EBF1: variants seen among roughly 807,000 people sequenced by gnomAD.
EBF1 encodes transcription factor COE1.
EBF1 carries 10 observed loss-of-function variants against 68.4 expected under a neutral mutation model. The observed-to-expected ratio is 0.15, with a 90% confidence interval of 0.09 to 0.25. The LOEUF is 0.25. EBF1 is among the 10% of genes least tolerant of loss of function. The pLI, the probability that EBF1 is intolerant of heterozygous loss-of-function variation, is 1.00. For missense variants in EBF1, 509 were observed against 794.4 expected (o/e 0.64, Z 4.32); for synonymous variants, 298 against 299.8 (o/e 0.99, Z 0.06).
At chr5:158,884,746 T>C (rs1799679921) in intron 6 of EBF1, among the ~76,000 whole-genome samples, 1 of 152,206 alleles carries the variant, frequency 6.6e-6, no homozygotes, top group Non-Finnish European at 1.5e-5. Context: ...ATACTACTAA[T>C]ATTAAATTAA....
chr5:158,916,846 G>A (rs1395643543), intron 6 of EBF1, among the ~76,000 whole-genome samples: 2 of 152,126 alleles, frequency 1.3e-5, no homozygotes, highest in Non-Finnish European at 2.9e-5. Flanking sequence ...CCAGCTCAGC[G>A]GGTATACATT....
chr5:158,735,432 A>G (rs529280415), intron 10 of EBF1, among the ~76,000 whole-genome samples: 38 of 152,322 alleles, frequency 2.5e-4, no homozygotes, highest in African/African-American at 8.4e-4. Flanking sequence ...TACTGAACCC[A>G]CATAGTAGGA....
At chr5:159,086,641 A>G (rs907599868) in intron 4 of EBF1, among the ~76,000 whole-genome samples, 3 of 152,182 alleles carry the variant, frequency 2.0e-5, no homozygotes, top group African/African-American at 4.8e-5. Context: ...CAGTGTATCA[A>G]ATCATGTTGT....
chr5:158,993,959 C>A (rs929664727), intron 6 of EBF1, among the ~76,000 whole-genome samples: 1 of 152,154 alleles, frequency 6.6e-6, no homozygotes, highest in Non-Finnish European at 1.5e-5. Flanking sequence ...TTTGCAAATG[C>A]CTATGGTTGT....
At chr5:158,864,942 G>A (rs931274235) in intron 6 of EBF1, among the ~76,000 whole-genome samples, 2 of 152,244 alleles carry the variant, frequency 1.3e-5, no homozygotes, top group African/African-American at 4.8e-5. Context: ...CATATGAGCT[G>A]GACAGCTCTG....
intron 4 of EBF1, among the ~76,000 whole-genome samples, chr5:159,091,026 A>G (rs1000528757): frequency 2.4e-4 from 36 of 152,354 alleles, no homozygotes; most frequent in African/African-American, 8.7e-4. Flanking sequence ...ACAACTATGT[A>G]GACAATTCAC....
chr5:158,953,364 T>C (rs922866593), intron 6 of EBF1, among the ~76,000 whole-genome samples: 4 of 152,192 alleles, frequency 2.6e-5, no homozygotes, highest in Admixed American at 6.5e-5. Context: ...GCAAGCCTCA[T>C]AGATAGATAA....
chr5:158,851,517 GA>G (rs1472080252), intron 6 of EBF1, among the ~76,000 whole-genome samples: 2 of 63,872 alleles, frequency 3.1e-5, no homozygotes, highest in South Asian at 8.8e-4. Flanking sequence ...AAGGGAAGGG[GA>G]GGGGGGAGAA....
chr5:158,900,834 A>G (rs1250449471), intron 6 of EBF1, among the ~76,000 whole-genome samples: 1 of 152,248 alleles, frequency 6.6e-6, no homozygotes, highest in Non-Finnish European at 1.5e-5. Context: ...GGAAATAAGT[A>G]AGGTCCCGCA....
At chr5:159,064,620 A>G (rs1274936423) in intron 6 of EBF1, among the ~76,000 whole-genome samples, 1 of 152,338 alleles carries the variant, frequency 6.6e-6, no homozygotes, top group East Asian at 1.9e-4. Context: ...TAAGGTGCTC[A>G]TAGACCAGGA....
At chr5:158,869,578 AACACACACACACACACACAC>A (rs3035120) in intron 6 of EBF1, among the ~76,000 whole-genome samples, 7 of 145,172 alleles carry the variant, frequency 4.8e-5, no homozygotes, top group East Asian at 2.1e-4. Context: ...GATCCTAATA[AACACACACACACACACACAC>A]ACACACACAC....
chr5:158,785,957 A>G (rs1199367330), intron 9 of EBF1, among the ~76,000 whole-genome samples: 2 of 152,130 alleles, frequency 1.3e-5, no homozygotes, highest in Non-Finnish European at 2.9e-5. Flanking sequence ...TGTTTTTGCT[A>G]TGTTTCCAGT....
intron 8 of EBF1, among the ~76,000 whole-genome samples, chr5:158,816,591 A>G (rs1025615572): frequency 2.6e-5 from 4 of 151,916 alleles, no homozygotes; most frequent in African/African-American, 9.7e-5. Flanking sequence ...GGGAGGGTAT[A>G]TTTTTCTCTG....
rs1208591957 is a variant in EBF1, at chr5:158,698,595, T to C, written c.*516A>G. On this transcript the variant is annotated 3_prime_UTR_variant, in exon 16 of 16. Transcript: ENST00000313708. ...TTAAGGCGCAAAAGCCGACCCTTAG[T>C]TTTTCTAAAAAATCTAACTGGCATT... 4.5e-6 allele frequency: 1 copy of C among 221,988 alleles called. No homozygotes were observed. The highest frequency in any genetic ancestry group is 9.0e-6 in the Non-Finnish European group (1 of 110,974). 13.8% of individuals were successfully genotyped at this position (221,988 alleles called of 1,614,324 possible). A position where few individuals can be genotyped will look rare whatever the true frequency, so the allele number is the denominator to read the frequency against.
At chr5:158,796,293 GTAT>G in intron 9 of EBF1, 49 bp downstream of exon 9, 1 of 1,549,988 alleles carries the variant, frequency 6.5e-7, no homozygotes, top group Non-Finnish European at 8.7e-7. Context: ...AGTATAGACA[GTAT>G]CTTCAACTAG....
chr5:159,098,118 C>T (rs1782983981), intron 1 of EBF1, among the ~76,000 whole-genome samples: 1 of 152,244 alleles, frequency 6.6e-6, no homozygotes, highest in South Asian at 2.1e-4. Context: ...AGTCATCTTC[C>T]TTCTTCCCCT....
intron 6 of EBF1, among the ~76,000 whole-genome samples, chr5:159,014,575 C>A (rs1765306943): frequency 6.6e-6 from 1 of 152,224 alleles, no homozygotes; most frequent in South Asian, 2.1e-4. Flanking sequence ...TGCCCAAAGT[C>A]ACTATGGTGA....
At chr5:158,970,630 T>C (rs111301798) in intron 6 of EBF1, among the ~76,000 whole-genome samples, 36 of 152,346 alleles carry the variant, frequency 2.4e-4, no homozygotes, top group African/African-American at 8.2e-4. Context: ...CGGTCAGCGA[T>C]TATGACTTTC....
chr5:159,084,387 G>A (rs1780267666), intron 5 of EBF1, among the ~76,000 whole-genome samples: 1 of 152,096 alleles, frequency 6.6e-6, no homozygotes, highest in African/African-American at 2.4e-5. Flanking sequence ...TTGATTTTAA[G>A]AGAGTAGGGG....
Sources: gnomAD v4.1 joint callset for allele counts (sites outside exome capture counted in the v4.1 genomes callset) on GRCh38, gnomAD v4.1.1 for gene constraint, MANE v1.5 for transcripts, NCBI Gene and HGNC (gene_info 2026-07-23, HGNC 2026-07-21) for gene names.